The following PIGF variants were observed in gnomAD, a reference collection of about 807,000 sequenced individuals.
PIGF encodes the protein phosphatidylinositol glycan anchor biosynthesis class F.
In PIGF, 23 loss-of-function variants were observed where a neutral mutation model predicts 26.0. That is an observed-to-expected ratio of 0.88 (90% confidence interval 0.64 to 1.25). The LOEUF (loss-of-function observed/expected upper bound fraction) is 1.25, where lower values mean the gene tolerates loss of function less well. PIGF is among the 50% of genes most tolerant of loss of function. The probability of loss-of-function intolerance (pLI) is 0.00; values close to 1 mark genes in which losing one functional copy is unlikely to be tolerated. For missense variants in PIGF, 278 were observed against 249.9 expected (o/e 1.11, Z -0.76); for synonymous variants, 93 against 92.6 (o/e 1.00, Z -0.03).
intron 4 of PIGF, among the ~76,000 whole-genome samples, chr2:46,610,964 T>C (rs1346449345): frequency 6.6e-6 from 1 of 152,210 alleles, no homozygotes; most frequent in Non-Finnish European, 1.5e-5. Context: ...GTTTCAATGC[T>C]TTTATCCATT....
intron 5 of PIGF, among the ~76,000 whole-genome samples, chr2:46,585,685 G>T (rs1009779317): frequency 1.6e-4 from 24 of 152,174 alleles, no homozygotes; most frequent in African/African-American, 5.8e-4. Context: ...TATGTAATAA[G>T]TAGAACCGGC....
chr2:46,587,748 T>A (rs569442900), intron 5 of PIGF, among the ~76,000 whole-genome samples: 77 of 152,266 alleles, frequency 5.1e-4, no homozygotes, highest in African/African-American at 1.5e-3. Flanking sequence ...TCATTGCATA[T>A]TAGCTTTAAA....
intron 4 of PIGF, among the ~76,000 whole-genome samples, chr2:46,605,099 A>G (rs1451396425): frequency 6.6e-6 from 1 of 152,134 alleles, no homozygotes; most frequent in Non-Finnish European, 1.5e-5. Flanking sequence ...GTGAATATTT[A>G]TATTATCACT....
chr2:46,591,772 T>C, intron 5 of PIGF: 1 of 1,215,656 alleles, frequency 8.2e-7, no homozygotes, highest in South Asian at 1.4e-5. Context: ...AGTTTCCTCA[T>C]CTGTAAAATG....
At position 46,592,540 on chromosome 2, in the gene PIGF, A is replaced by T; in HGVS notation, c.481T>A (p.Ser161Thr). The stretch of plus-strand genomic sequence containing the variant: ...CCAAGCCATGCTCCTACAAAGCTAG[A>T]AATTGTAGTGATCTGGAGACTATTC... ...WENSLQITTISSFVGAWLGAL... is the reference protein window; with the variant it reads ...WENSLQITTITSFVGAWLGAL... The change falls in exon 5 of 6, where the codon TCT (serine) becomes ACT (threonine). Residue 161 changes from serine to threonine, a missense_variant. Transcript: ENST00000281382. 1.2e-6 allele frequency: 2 copies of T among 1,608,890 alleles called. No homozygotes were observed. The highest frequency in any genetic ancestry group is 2.2e-5 in the South Asian group (2 of 90,960).
At chr2:46,599,435 C>A (rs947739758) in intron 4 of PIGF, among the ~76,000 whole-genome samples, 1 of 152,008 alleles carries the variant, frequency 6.6e-6, no homozygotes, top group African/African-American at 2.4e-5. Flanking sequence ...TTGTTTGCAT[C>A]CCTTTCATTT....
intron 4 of PIGF, among the ~76,000 whole-genome samples, chr2:46,596,939 T>A (rs2104094199): frequency 6.6e-6 from 1 of 152,332 alleles, no homozygotes; most frequent in South Asian, 2.1e-4. Context: ...AAATATAATC[T>A]TTAATTGTCC....
intron 4 of PIGF, among the ~76,000 whole-genome samples, chr2:46,610,710 A>G (rs56047792): frequency 0.072 from 10,958 of 151,806 alleles, 1,130 homozygotes; most frequent in East Asian, 0.5. Flanking sequence ...TTGTATTTTT[A>G]GTAGAGATGG....
chr2:46,594,898 T>A (rs1054818777), intron 4 of PIGF, among the ~76,000 whole-genome samples: 1 of 151,480 alleles, frequency 6.6e-6, no homozygotes, highest in African/African-American at 2.4e-5. Flanking sequence ...TTGCCTAGGC[T>A]GGAATGCAAT....
At chr2:46,602,284 T>C (rs17035362) in intron 4 of PIGF, among the ~76,000 whole-genome samples, 7,468 of 151,998 alleles carry the variant, frequency 0.049, 262 homozygotes, top group African/African-American at 0.11. Flanking sequence ...ATCCCAATAG[T>C]ATCAGAATTG....
intron 5 of PIGF, chr2:46,582,982 C>G (rs887015810): frequency 4.6e-5 from 7 of 152,082 alleles, no homozygotes; most frequent in African/African-American, 1.7e-4. Context: ...TCTTATGTAA[C>G]TTTCTTATTT....
chr2:46,610,750 G>C (rs1023462466), intron 4 of PIGF, among the ~76,000 whole-genome samples: 1 of 151,916 alleles, frequency 6.6e-6, no homozygotes, highest in Non-Finnish European at 1.5e-5. Context: ...GGCTGGTCTT[G>C]AACTCCTGAC....
At chr2:46,585,097 T>C (rs1213667475) in intron 5 of PIGF, among the ~76,000 whole-genome samples, 1 of 152,316 alleles carries the variant, frequency 6.6e-6, no homozygotes, top group Middle Eastern at 3.4e-3. Context: ...AAAAGTGATA[T>C]CTATTAAATA....
intron 4 of PIGF, among the ~76,000 whole-genome samples, chr2:46,597,775 C>A (rs1021745538): frequency 6.6e-6 from 1 of 152,182 alleles, no homozygotes; most frequent in Admixed American, 6.5e-5. Flanking sequence ...AAGTTCAGTG[C>A]CATTCTGGTT....
At chr2:46,597,922 G>A (rs1297884523) in intron 4 of PIGF, among the ~76,000 whole-genome samples, 2 of 152,012 alleles carry the variant, frequency 1.3e-5, no homozygotes, top group African/African-American at 4.8e-5. Context: ...AAATATATGG[G>A]CCTTCTTAAT....
chr2:46,605,054 T>C (rs1250651486), intron 4 of PIGF, among the ~76,000 whole-genome samples: 2 of 152,036 alleles, frequency 1.3e-5, no homozygotes, highest in Non-Finnish European at 2.9e-5. Flanking sequence ...GCTAACTACA[T>C]ATTGGAGCAA....
intron 5 of PIGF, among the ~76,000 whole-genome samples, chr2:46,583,958 T>C (rs1478425709): frequency 6.6e-6 from 1 of 152,226 alleles, no homozygotes; most frequent in Admixed American, 6.5e-5. Context: ...TTTAATACTT[T>C]GCTAACTTAC....
At chr2:46,584,882 TCAAG>T (rs1669518457) in intron 5 of PIGF, among the ~76,000 whole-genome samples, 1 of 152,186 alleles carries the variant, frequency 6.6e-6, no homozygotes, top group Admixed American at 6.5e-5. Context: ...GAACTATTCC[TCAAG>T]CAAGTTTCCT....
intron 5 of PIGF, among the ~76,000 whole-genome samples, chr2:46,587,194 G>T (rs984077680): frequency 1.1e-4 from 16 of 151,902 alleles, no homozygotes; most frequent in African/African-American, 3.9e-4. Context: ...TTTTATTTTG[G>T]TCTAAAACAC....
Sources: gnomAD v4.1 joint callset for allele counts (sites outside exome capture counted in the v4.1 genomes callset) on GRCh38, gnomAD v4.1.1 for gene constraint, MANE v1.5 for transcripts, NCBI Gene and HGNC (gene_info 2026-07-23, HGNC 2026-07-21) for gene names.